The following SAMD8 variants were observed in gnomAD, a reference collection of about 807,000 sequenced individuals.
The protein encoded by SAMD8 is sterile alpha motif domain containing 8.
Under a neutral mutation model 42.0 loss-of-function variants are expected in SAMD8, and 20 were observed. The observed-to-expected ratio is 0.48, with a 90% CI of 0.34 to 0.69. The LOEUF (loss-of-function observed/expected upper bound fraction) is 0.69. Among genes scored for constraint, SAMD8 ranks in the 30% least tolerant of loss-of-function variants. The probability of loss-of-function intolerance (pLI) is 0.01; values close to 1 mark genes in which losing one functional copy is unlikely to be tolerated. For synonymous variants in SAMD8, 162 were observed against 173.0 expected (o/e 0.94, Z 0.50); for missense variants, 328 against 511.6 (o/e 0.64, Z 3.46).
In SAMD8 at chr10:75,177,728, GA is replaced by G. The variant is rs1409706108; in HGVS notation, c.*1041del. On this transcript the variant is annotated 3_prime_UTR_variant, in exon 6 of 6. Transcript: ENST00000542569. ...AACAGTCTCAGACATACTTGGATATGAAAAAGTTTCGTTGTTTTTTACTTTT... is the reference window on the plus strand; with the variant it reads ...AACAGTCTCAGACATACTTGGATATGAAAAGTTTCGTTGTTTTTTACTTTT... 1.3e-5 allele frequency: 2 copies of G among 152,196 alleles called. No homozygotes were observed. Among genetic ancestry groups the G allele is most frequent in the Non-Finnish European group, 2.9e-5 (2 of 68,038 alleles). 9.4% of individuals were successfully genotyped at this position (152,196 alleles called of 1,614,324 possible).
upstream of SAMD8, among the ~76,000 whole-genome samples, chr10:75,110,561 C>T (rs981532967): frequency 2.6e-4 from 40 of 152,176 alleles, no homozygotes; most frequent in Admixed American, 1.8e-3. Flanking sequence ...CCATTGAAGT[C>T]GGCCCGGCAC....
At chr10:75,167,204 A>G (rs1218190429) in intron 3 of SAMD8, among the ~76,000 whole-genome samples, 1 of 151,834 alleles carries the variant, frequency 6.6e-6, no homozygotes, top group Non-Finnish European at 1.5e-5. Context: ...GTTTAAGTTA[A>G]GAGAAGTTAG....
chr10:75,128,182 C>A (rs1334979704), intron 1 of SAMD8, among the ~76,000 whole-genome samples: 3 of 150,330 alleles, frequency 2.0e-5, no homozygotes, highest in Non-Finnish European at 4.4e-5. Flanking sequence ...AAGCAATTCT[C>A]CTACCTCAGC....
At chr10:75,119,411 CT>C (rs1281062310) in intron 1 of SAMD8, among the ~76,000 whole-genome samples, 2 of 152,192 alleles carry the variant, frequency 1.3e-5, no homozygotes, top group Non-Finnish European at 1.5e-5. Context: ...CCCGCCTTGG[CT>C]TCCCAAAGTG....
chr10:75,150,701 A>T lies in SAMD8; in HGVS notation c.173A>T (p.Glu58Val). ...TEYDLRSPPL[E>V]IKVLGDIKRL... ...TATGATCTCCGGTCTCCTCCTCTGG[A>T]AATCAAAGTCTTAGGGGACATTAAA... Residue 58 changes from glutamate to valine, a missense_variant, in exon 2 of 6, where the codon GAA becomes GTA. This residue lies in a region of SAMD8 where 150 missense variants were observed against 186.0 expected (regional missense o/e 0.81). Transcript: ENST00000542569. The T allele has an allele frequency of 6.2e-7, 1 of 1,614,186 alleles. No individual in the cohort carries two copies. Among genetic ancestry groups the T allele is most frequent in the Non-Finnish European group, 8.5e-7 (1 of 1,180,038 alleles).
intron 1 of SAMD8, among the ~76,000 whole-genome samples, chr10:75,123,530 C>T (rs1849055714): frequency 6.6e-6 from 1 of 152,106 alleles, no homozygotes; most frequent in Admixed American, 6.6e-5. Flanking sequence ...TATAACCTGA[C>T]AGGCTTAAAA....
intron 1 of SAMD8, among the ~76,000 whole-genome samples, chr10:75,134,242 A>T (rs185682098): frequency 4.6e-5 from 7 of 152,264 alleles, no homozygotes; most frequent in Non-Finnish European, 7.4e-5. Flanking sequence ...GCAGGGCTTA[A>T]TACCTAGGTG....
chr10:75,164,822 G>A (rs1840638378), intron 3 of SAMD8, 82 bp downstream of exon 3: 1 of 1,025,830 alleles, frequency 9.7e-7, no homozygotes, highest in Admixed American at 2.0e-5. Context: ...TCTCTTTGCA[G>A]TTTCCTTGTT....
chr10:75,171,727 T>TAAA (rs1220867416), intron 4 of SAMD8, among the ~76,000 whole-genome samples: 1 of 152,062 alleles, frequency 6.6e-6, no homozygotes, highest in African/African-American at 2.4e-5. Context: ...ACATGCACAT[T>TAAA]AAAAAATATA....
chr10:75,180,438 C>G lies in SAMD8; in HGVS notation c.*3746C>G, dbSNP rs897068570. 1.3e-5 allele frequency: 2 copies of G among 152,170 alleles called. No individual in the cohort carries two copies. The highest frequency in any genetic ancestry group is 2.9e-5 in the Non-Finnish European group (2 of 68,140). 9.4% of individuals were successfully genotyped at this position (152,170 alleles called of 1,614,324 possible). On this transcript the variant is annotated 3_prime_UTR_variant, in exon 6 of 6. Coordinates refer to ENST00000542569, the MANE Select transcript of SAMD8 (RefSeq NM_001174156.2). Reference sequence around the variant, plus strand: ...ATTAGCCGGGCGTGGTGGTGCACGCCCATGCCTGTAGTCCCAGCTACTCGG... The same window carrying G: ...ATTAGCCGGGCGTGGTGGTGCACGCGCATGCCTGTAGTCCCAGCTACTCGG...
At chr10:75,168,682 T>C in intron 4 of SAMD8, 24 bp downstream of exon 4, 1 of 1,490,142 alleles carries the variant, frequency 6.7e-7, no homozygotes, top group Non-Finnish European at 9.4e-7. Flanking sequence ...TTCTTTATCA[T>C]TCTTGTTTTT....
intron 1 of SAMD8, among the ~76,000 whole-genome samples, chr10:75,116,678 A>G (rs140433971): frequency 2.4e-4 from 37 of 152,350 alleles, no homozygotes; most frequent in African/African-American, 8.4e-4. Context: ...TTAGCATGAA[A>G]GCCAGAGATT....
upstream of SAMD8, chr10:75,109,351 ATC>A: frequency 2.0e-6 from 1 of 507,000 alleles, no homozygotes; most frequent in Non-Finnish European, 3.3e-6. Context: ...AGAACACAGA[ATC>A]AGAGAGACCT....
At chr10:75,175,927 A>G in intron 4 of SAMD8, 139 bp from the exon 5 acceptor site, 2 of 1,476,094 alleles carry the variant, frequency 1.4e-6, no homozygotes, top group Admixed American at 2.6e-5. Context: ...GCTGGAATTC[A>G]TTAGACTGAA....
At chr10:75,143,082 G>T (rs967268531) in intron 1 of SAMD8, among the ~76,000 whole-genome samples, 2 of 152,350 alleles carry the variant, frequency 1.3e-5, no homozygotes, top group Middle Eastern at 3.4e-3. Flanking sequence ...GCCGAGGCGG[G>T]TGGATCACAA....
At chr10:75,155,662 G>C (rs1033547270) in intron 2 of SAMD8, among the ~76,000 whole-genome samples, 4 of 152,062 alleles carry the variant, frequency 2.6e-5, no homozygotes, top group African/African-American at 4.8e-5. Context: ...TTACATGAAG[G>C]TACTCCACAA....
intron 1 of SAMD8, among the ~76,000 whole-genome samples, chr10:75,102,574 G>A (rs1342590591): frequency 1.3e-5 from 2 of 152,250 alleles, no homozygotes; most frequent in Non-Finnish European, 2.9e-5. Context: ...TTGGGAGGCT[G>A]AGGTGGGAGG....
intron 1 of SAMD8, among the ~76,000 whole-genome samples, chr10:75,149,799 C>G (rs1840238840): frequency 6.6e-6 from 1 of 151,828 alleles, no homozygotes; most frequent in Admixed American, 6.6e-5. Flanking sequence ...TGGGATTTTT[C>G]TCAGTTCTCG....
chr10:75,116,106 G>GTT lies in SAMD8; in HGVS notation c.-16+4395_-16+4396dup, dbSNP rs926849958. ...ATATTTGTCTAAGTATTTTTTGGTA[G>GTT]TTTTTTTTTTTTAAAGATAGGGTCT... On this transcript the variant is annotated intron_variant, in intron 1 of 5. Transcript: ENST00000542569. Among the ~76,000 whole-genome samples, 3 of 145,618 alleles carry GTT rather than the reference G, an allele frequency of 2.1e-5. No individual in the cohort carries two copies. The Admixed American group carries it at 2.1e-4, about 10-fold the overall frequency.
Sources: allele counts gnomAD v4.1 joint callset (sites outside exome capture counted in the v4.1 genomes callset), GRCh38; gene constraint gnomAD v4.1.1; regional missense constraint gnomAD v4.1.1; transcripts MANE v1.5; gene names NCBI Gene and HGNC (gene_info 2026-07-23, HGNC 2026-07-21).